Variants in PRKD1 observed in about 807,000 individuals in gnomAD.
PRKD1 encodes protein kinase D1.
PRKD1 carries 63 observed loss-of-function variants against 95.9 expected under a neutral mutation model. The ratio of observed to expected loss-of-function variants is 0.66; its 90% CI spans 0.54 to 0.81. The LOEUF (loss-of-function observed/expected upper bound fraction) is 0.81. PRKD1 is among the 30% of genes least tolerant of loss of function. The pLI is 0.00. For missense variants in PRKD1, 1,048 were observed against 1,165.3 expected (o/e 0.90, Z 1.47); for synonymous variants, 425 against 423.1 (o/e 1.00, Z -0.05).
chr14:29,921,209 T>C (rs1447217845), intron 1 of PRKD1, among the ~76,000 whole-genome samples: 1 of 152,172 alleles, frequency 6.6e-6, no homozygotes, highest in Admixed American at 6.5e-5. Context: ...GTGTCTTTCA[T>C]TTAGTAATAA....
intron 2 of PRKD1, among the ~76,000 whole-genome samples, chr14:29,676,656 T>C (rs78833047): frequency 6.6e-6 from 1 of 152,156 alleles, no homozygotes; most frequent in Non-Finnish European, 1.5e-5. Flanking sequence ...CCCGGCCAAG[T>C]TCAGTTTTTA....
intron 3 of PRKD1, among the ~76,000 whole-genome samples, chr14:29,665,604 T>A (rs1002129507): frequency 2.6e-5 from 4 of 152,162 alleles, no homozygotes; most frequent in African/African-American, 9.7e-5. Context: ...TGTATATATA[T>A]AATGCATATT....
intron 1 of PRKD1, among the ~76,000 whole-genome samples, chr14:29,887,456 T>C (rs1039508411): frequency 1.1e-4 from 16 of 152,196 alleles, no homozygotes; most frequent in Non-Finnish European, 1.8e-4. Context: ...CAATTACCTG[T>C]AATGTGACAA....
chr14:29,738,825 CTTTT>C (rs1041496087), intron 1 of PRKD1, among the ~76,000 whole-genome samples: 3 of 138,348 alleles, frequency 2.2e-5, no homozygotes, highest in Admixed American at 7.6e-5. Context: ...CTCTCTCTTT[CTTTT>C]TTCTTTTTTT....
Position 29,749,317 on chromosome 14 carries a change from G to C in PRKD1, c.265-23643C>G, listed in dbSNP as rs546805918. ...AAGAAGTAGGGAAAAAAGGAGGGGT[G>C]GTAAACCAGTTGTTACAGAGACAGG... is the stretch of plus-strand genomic sequence containing the variant. On this transcript the variant is annotated intron_variant, in intron 1 of 17. Coordinates refer to ENST00000331968, the MANE Select transcript of PRKD1 (RefSeq NM_002742.3). Among the ~76,000 whole-genome samples, 6 of 152,244 alleles carry C rather than the reference G, an allele frequency of 3.9e-5. No individual in the cohort carries two copies. In the South Asian group the frequency reaches 1.2e-3, roughly 32 times the overall value.
At chr14:29,806,169 A>G (rs1045857532) in intron 1 of PRKD1, among the ~76,000 whole-genome samples, 2 of 152,226 alleles carry the variant, frequency 1.3e-5, no homozygotes, top group Admixed American at 1.3e-4. Context: ...AAAGATCTCA[A>G]TAACAAGAGC....
intron 1 of PRKD1, among the ~76,000 whole-genome samples, chr14:29,813,707 T>C (rs867734808): frequency 6.6e-6 from 1 of 152,204 alleles, no homozygotes; most frequent in Non-Finnish European, 1.5e-5. Context: ...TAGCAATTAA[T>C]ATCAACAATG....
intron 13 of PRKD1, among the ~76,000 whole-genome samples, chr14:29,609,613 T>G (rs1226101342): frequency 6.6e-6 from 1 of 151,366 alleles, no homozygotes; most frequent in African/African-American, 2.4e-5. Flanking sequence ...TGATCTCCAC[T>G]CACTGCAACC....
At chr14:29,649,386 G>A (rs992769974) in intron 4 of PRKD1, among the ~76,000 whole-genome samples, 1 of 151,808 alleles carries the variant, frequency 6.6e-6, no homozygotes, top group Non-Finnish European at 1.5e-5. Flanking sequence ...TGTGTTTGCT[G>A]ATGAAGTTTT....
At chr14:29,762,364 A>G (rs1296328185) in intron 1 of PRKD1, among the ~76,000 whole-genome samples, 2 of 152,142 alleles carry the variant, frequency 1.3e-5, no homozygotes, top group Non-Finnish European at 2.9e-5. Context: ...ACTCTGCATG[A>G]AAGAGTCACC....
At chr14:29,666,888 G>C (rs1049777445) in intron 2 of PRKD1, among the ~76,000 whole-genome samples, 6 of 152,144 alleles carry the variant, frequency 3.9e-5, no homozygotes, top group African/African-American at 1.4e-4. Context: ...CCATATTCAT[G>C]TTGTAGGGAA....
In PRKD1 at chr14:29,631,022, C is replaced by A. The variant is rs757950526; in HGVS notation, c.1393-1G>T. 4 of 1,594,034 alleles carry A rather than the reference C, an allele frequency of 2.5e-6. No individual in the cohort carries two copies. Among genetic ancestry groups the A allele is most frequent in the Non-Finnish European group, 3.4e-6 (4 of 1,169,422 alleles). On this transcript the variant is annotated splice_acceptor_variant, in intron 9 of 17. Transcript: ENST00000331968. LOFTEE classifies it high-confidence loss of function. ...ACAAAATTTCAGATAAAGGAATTTC[C>A]TGTGAAAGAAAAAAAGTACTAAATG...
chr14:29,723,403 C>T (rs1885991422), intron 2 of PRKD1, among the ~76,000 whole-genome samples: 1 of 151,840 alleles, frequency 6.6e-6, no homozygotes, highest in African/African-American at 2.4e-5. Context: ...GCAAGGAAGA[C>T]ATAAAGACCG....
chr14:29,611,148 A>C (rs1878430721), intron 13 of PRKD1, among the ~76,000 whole-genome samples: 1 of 152,196 alleles, frequency 6.6e-6, no homozygotes, highest in Non-Finnish European at 1.5e-5. Flanking sequence ...TATGGACTTC[A>C]GGTAATTATG....
At position 29,916,580 on chromosome 14, in the gene PRKD1, AC is replaced by A. The variant is rs377282059; in HGVS notation, c.264+10668del. 3.1e-3 allele frequency among the ~76,000 whole-genome samples: 479 copies of A among 152,302 alleles called. 1 individual carries two copies. The highest frequency in any genetic ancestry group is 0.011 in the African/African-American group (469 of 41,562). ...TCAAGTGGTCATAACCTCTAGTGTTACTGTTCTGAGGATCTAACAGCACTAA... is the reference window on the plus strand; with the variant it reads ...TCAAGTGGTCATAACCTCTAGTGTTATGTTCTGAGGATCTAACAGCACTAA... On this transcript the variant is annotated intron_variant, in intron 1 of 17. Transcript: ENST00000331968.
At chr14:29,583,435 TAA>T (rs984331236) in intron 16 of PRKD1, among the ~76,000 whole-genome samples, 2 of 152,064 alleles carry the variant, frequency 1.3e-5, no homozygotes, top group Non-Finnish European at 2.9e-5. Context: ...GACACAGGAG[TAA>T]AACAGGCAGT....
chr14:29,782,737 GT>G (rs1269700784), intron 1 of PRKD1, among the ~76,000 whole-genome samples: 1 of 151,912 alleles, frequency 6.6e-6, no homozygotes, highest in Non-Finnish European at 1.5e-5. Flanking sequence ...TTGAGATGGG[GT>G]TTTGCCATGT....
intron 1 of PRKD1, among the ~76,000 whole-genome samples, chr14:29,770,372 C>T (rs754643591): frequency 5.3e-5 from 8 of 152,082 alleles, no homozygotes; most frequent in Non-Finnish European, 1.2e-4. Context: ...GTCTACGCTG[C>T]TATAAAAGGA....
intron 1 of PRKD1, among the ~76,000 whole-genome samples, chr14:29,897,178 C>T (rs1894163733): frequency 2.0e-5 from 3 of 151,942 alleles, no homozygotes; most frequent in Non-Finnish European, 4.4e-5. Flanking sequence ...ATATCGTGGA[C>T]ATCTTTCATG....
Sources: gnomAD v4.1 joint callset for allele counts (sites outside exome capture counted in the v4.1 genomes callset) on GRCh38, gnomAD v4.1.1 for gene constraint, MANE v1.5 for transcripts, NCBI Gene and HGNC (gene_info 2026-07-23, HGNC 2026-07-21) for gene names.